STX17: variants seen among roughly 807,000 people sequenced by gnomAD.
The protein encoded by STX17 is syntaxin-17.
In STX17, 29 loss-of-function variants were observed where a neutral mutation model predicts 35.9. That is an observed-to-expected ratio of 0.81 (90% CI 0.60 to 1.10). The LOEUF is 1.10. Ranked by LOEUF, STX17 falls within the 50% of genes least tolerant of loss-of-function variation. STX17 has a pLI of 0.00. For synonymous variants in STX17, 92 were observed against 118.3 expected, an observed-to-expected ratio of 0.78 and a Z score of 1.44; for missense variants, 312 against 352.3, an observed-to-expected ratio of 0.89 and a Z score of 0.92.
chr9:99,912,210 G>A (rs1828680582), intron 1 of STX17, among the ~76,000 whole-genome samples: 1 of 143,418 alleles, frequency 7.0e-6, no homozygotes, highest in Non-Finnish European at 1.5e-5. Context: ...TGGGTGACAA[G>A]AGCGAAAATC....
intron 4 of STX17, among the ~76,000 whole-genome samples, chr9:99,954,952 A>T (rs1254160631): frequency 6.6e-6 from 1 of 152,046 alleles, no homozygotes; most frequent in African/African-American, 2.4e-5. Flanking sequence ...AGAGTTCCTA[A>T]AGCAAATCTT....
intron 3 of STX17, among the ~76,000 whole-genome samples, chr9:99,940,221 C>T (rs1281487330): frequency 1.3e-5 from 2 of 152,048 alleles, no homozygotes; most frequent in Non-Finnish European, 2.9e-5. Flanking sequence ...ACCACCACCT[C>T]CCGGGTTCAA....
chr9:99,935,795 G>T (rs1339210329), intron 3 of STX17, among the ~76,000 whole-genome samples: 3 of 152,228 alleles, frequency 2.0e-5, no homozygotes, highest in Non-Finnish European at 4.4e-5. Context: ...TCTAAAGGAA[G>T]TGAAGGCATA....
Position 99,968,624 on chromosome 9 carries a change from C to T in STX17, c.860C>T (p.Thr287Ile). Residue 287 changes from threonine to isoleucine, a missense_variant, in exon 8 of 8, where the codon ACT (threonine) becomes ATT (isoleucine). By Grantham distance (89) the Thr-to-Ile change is moderately conservative. Transcript: ENST00000259400. ...AAACAGAAAATGATGGAGAAGCTCA[C>T]TTCCAGCTGTCCAGATCTTCCCAGC... ...RKKQKMMEKL[T>I]SSCPDLPSQT... 6.2e-7 allele frequency: 1 copy of T among 1,613,992 alleles called. No homozygotes were observed. Among genetic ancestry groups the T allele is most frequent in the South Asian group, 1.1e-5 (1 of 91,068 alleles).
chr9:99,915,111 A>T, intron 1 of STX17, 67 bp from the exon 2 acceptor site: 2 of 1,077,100 alleles, frequency 1.9e-6, no homozygotes, highest in Non-Finnish European at 2.5e-6. Flanking sequence ...TGTAAAACTA[A>T]TCGTTGGCTT....
chr9:99,954,499 TTTACATAAGACTTTAA>T (rs1302996357), intron 4 of STX17, among the ~76,000 whole-genome samples: 9 of 152,160 alleles, frequency 5.9e-5, no homozygotes, highest in African/African-American at 1.9e-4. Context: ...AAGTAACTAA[TTTACATAAGACTTTAA>T]TAGTGGGGTA....
chr9:99,957,581 A>G (rs1337120651), intron 4 of STX17, among the ~76,000 whole-genome samples: 1 of 151,424 alleles, frequency 6.6e-6, no homozygotes, highest in African/African-American at 2.4e-5. Flanking sequence ...ACAGCAGATC[A>G]CCGTCATGTT....
At position 99,939,142 on chromosome 9, in the gene STX17, A is replaced by G. The variant is rs1587926193; in HGVS notation, c.189+10299A>G. Among the ~76,000 whole-genome samples, 3 of 152,194 alleles carry G rather than the reference A, an allele frequency of 2.0e-5. No homozygotes were observed. In the East Asian group the frequency reaches 5.8e-4, roughly 29 times the overall value. On this transcript the variant is annotated intron_variant, in intron 3 of 7. Transcript: ENST00000259400. ...AATTTTTAAAAAGGGGGATGATTTAAAAGGGAGAAACAATAGAAAAGAGAG... is the reference window on the plus strand; with the variant it reads ...AATTTTTAAAAAGGGGGATGATTTAGAAGGGAGAAACAATAGAAAAGAGAG...
At chr9:99,948,076 A>G (rs537775683) in intron 3 of STX17, among the ~76,000 whole-genome samples, 1 of 151,694 alleles carries the variant, frequency 6.6e-6, no homozygotes, top group African/African-American at 2.4e-5. Context: ...ACCTGACTTT[A>G]TGTTCTTCAT....
intron 2 of STX17, among the ~76,000 whole-genome samples, chr9:99,924,618 C>A (rs1828953732): frequency 6.6e-6 from 1 of 152,104 alleles, no homozygotes; most frequent in Non-Finnish European, 1.5e-5. Flanking sequence ...AGTTTATGGC[C>A]TGCAATCATT....
At chr9:99,959,888 C>G (rs1829792510) in intron 4 of STX17, 29 bp from the exon 5 acceptor site, 3 of 1,513,164 alleles carry the variant, frequency 2.0e-6, no homozygotes, top group East Asian at 4.5e-5. Context: ...CAAATAAACT[C>G]TAAACATGGG....
In STX17 at chr9:99,915,314, C is replaced by T; in HGVS notation, c.75C>T (p.Ile25=). The T allele has an allele frequency of 6.2e-7, 1 of 1,612,072 alleles. No homozygotes were observed. The highest frequency in any genetic ancestry group is 8.5e-7 in the Non-Finnish European group (1 of 1,179,158). Residue 25 remains isoleucine, a synonymous_variant, in exon 2 of 8, where the codon ATC becomes ATT. Transcript: ENST00000259400. ...TCCAGAAATTCATTAAGATAGTAAT[C>T]CCAACAGACCTGGAAAGGTTAAGAA... ...PAIQKFIKIV[I]PTDLERLRKH...
Position 99,959,971 on chromosome 9 carries a change from A to G in STX17, c.470A>G (p.Tyr157Cys). Reference protein sequence around the residue: ...EASSQSLTQIYALPEIPQDQN... With the variant: ...EASSQSLTQICALPEIPQDQN... ...AGTTCTCAGAGTTTGACTCAGATAT[A>G]TGCCTTACCTGAAATTCCTCAAGAT... is the stretch of plus-strand genomic sequence containing the variant. The change falls in exon 5 of 8, where the codon TAT becomes TGT. Residue 157 changes from tyrosine (Y) to cysteine (C), a missense_variant. By Grantham distance (194) the Tyr-to-Cys change is radical. Transcript: ENST00000259400. 2 of 1,614,058 alleles carry G rather than the reference A, an allele frequency of 1.2e-6. No homozygotes were observed. Among genetic ancestry groups the G allele is most frequent in the Non-Finnish European group, 1.7e-6 (2 of 1,179,982 alleles).
intron 2 of STX17, among the ~76,000 whole-genome samples, chr9:99,926,371 A>G (rs957819903): frequency 6.6e-6 from 1 of 152,118 alleles, no homozygotes; most frequent in Non-Finnish European, 1.5e-5. Context: ...ATGCATGGCA[A>G]TTATCTTTTG....
At chr9:99,960,349 A>G (rs1442784563) in intron 6 of STX17, among the ~76,000 whole-genome samples, 194 bp downstream of exon 6, 1 of 152,234 alleles carries the variant, frequency 6.6e-6, no homozygotes, top group Non-Finnish European at 1.5e-5. Context: ...CTTGTTATAT[A>G]CAAGCAGTGT....
chr9:99,943,920 C>T (rs934062075), intron 3 of STX17, among the ~76,000 whole-genome samples: 3 of 151,916 alleles, frequency 2.0e-5, no homozygotes, highest in Admixed American at 6.6e-5. Flanking sequence ...TCAGGCTGGG[C>T]TTTTTCTTTG....
At chr9:99,914,698 A>C (rs942442093) in intron 1 of STX17, among the ~76,000 whole-genome samples, 2 of 152,202 alleles carry the variant, frequency 1.3e-5, no homozygotes, top group Admixed American at 1.3e-4. Context: ...TTACATTATG[A>C]TGACATTAGA....
intron 4 of STX17, 59 bp from the exon 5 acceptor site, chr9:99,959,858 C>T: frequency 1.6e-6 from 2 of 1,240,000 alleles, no homozygotes; most frequent in Non-Finnish European, 2.3e-6. Flanking sequence ...TCAATTTATG[C>T]TGTCTCTTTT....
At chr9:99,909,860 C>T (rs1828624637) in intron 1 of STX17, among the ~76,000 whole-genome samples, 2 of 152,064 alleles carry the variant, frequency 1.3e-5, no homozygotes, top group South Asian at 4.2e-4. Flanking sequence ...ACATTGTATG[C>T]CTGTATCAAA....
Sources: allele counts gnomAD v4.1 joint callset (sites outside exome capture counted in the v4.1 genomes callset), GRCh38; gene constraint gnomAD v4.1.1; transcripts MANE v1.5; gene names NCBI Gene and HGNC (gene_info 2026-07-23, HGNC 2026-07-21).